GRID2: variants seen among roughly 807,000 people sequenced by gnomAD.
GRID2 encodes glutamate ionotropic receptor delta type subunit 2.
A neutral mutation model predicts 114.8 loss-of-function variants in GRID2; 33 were observed. The observed-to-expected ratio is 0.29, with a 90% CI of 0.22 to 0.38. GRID2 has a LOEUF of 0.38. GRID2 is among the 10% of genes least tolerant of loss of function. The pLI, the probability that GRID2 is intolerant of heterozygous loss-of-function variation, is 1.00. For synonymous variants in GRID2, 505 were observed against 449.9 expected, an observed-to-expected ratio of 1.12 and a Z score of -1.55; for missense variants, 1,184 against 1,257.7, an observed-to-expected ratio of 0.94 and a Z score of 0.89.
intron 1 of GRID2, among the ~76,000 whole-genome samples, chr4:92,514,587 G>A (rs1277293661): frequency 6.6e-6 from 1 of 151,808 alleles, no homozygotes; most frequent in Non-Finnish European, 1.5e-5. Context: ...TGTCCTCACT[G>A]ACTTCACAAG....
At chr4:92,716,333 T>C (rs1287227625) in intron 2 of GRID2, among the ~76,000 whole-genome samples, 1 of 152,228 alleles carries the variant, frequency 6.6e-6, no homozygotes, top group African/African-American at 2.4e-5. Flanking sequence ...GAGGAAGTTT[T>C]GAGCTTTGAC....
intron 14 of GRID2, among the ~76,000 whole-genome samples, chr4:93,732,116 TC>T (rs1279795721): frequency 6.6e-6 from 1 of 152,062 alleles, no homozygotes; most frequent in Non-Finnish European, 1.5e-5. Context: ...CCCATCAGAA[TC>T]CCATTACAGT....
intron 4 of GRID2, among the ~76,000 whole-genome samples, chr4:93,128,330 G>C (rs1254967673): frequency 6.6e-6 from 1 of 152,040 alleles, no homozygotes; most frequent in Non-Finnish European, 1.5e-5. Context: ...ATTAATTTTA[G>C]TGTATGTGCT....
At chr4:92,431,576 CTTT>C (rs139358667) in intron 1 of GRID2, among the ~76,000 whole-genome samples, 79 of 114,158 alleles carry the variant, frequency 6.9e-4, no homozygotes, top group African/African-American at 2.1e-3. Context: ...TTTGACGTGT[CTTT>C]TTTTTTTTTT....
intron 14 of GRID2, among the ~76,000 whole-genome samples, chr4:93,747,738 G>T (rs190661813): frequency 9.5e-5 from 14 of 147,378 alleles, no homozygotes; most frequent in South Asian, 6.5e-4. Flanking sequence ...TGTCAATTTG[G>T]TTTTTTTTTT....
chr4:93,538,990 GAT>G (rs994191266), intron 13 of GRID2, among the ~76,000 whole-genome samples: 29 of 151,934 alleles, frequency 1.9e-4, no homozygotes, highest in African/African-American at 7.0e-4. Flanking sequence ...AGTAATGTAA[GAT>G]ATTAATATTA....
At chr4:93,679,657 C>G (rs184467737) in intron 14 of GRID2, among the ~76,000 whole-genome samples, 3 of 150,760 alleles carry the variant, frequency 2.0e-5, no homozygotes, top group Non-Finnish European at 3.0e-5. Flanking sequence ...TGGAAACTGA[C>G]AGCCTGCTCC....
intron 13 of GRID2, among the ~76,000 whole-genome samples, chr4:93,597,782 G>A (rs1006041430): frequency 1.3e-5 from 2 of 152,132 alleles, no homozygotes; most frequent in Non-Finnish European, 2.9e-5. Context: ...CTGCCTCAAC[G>A]AAAATCCTTG....
chr4:93,024,540 G>A (rs926023472), intron 2 of GRID2, among the ~76,000 whole-genome samples: 6 of 151,578 alleles, frequency 4.0e-5, no homozygotes, highest in Non-Finnish European at 8.9e-5. Context: ...AAAGCATGAA[G>A]ACTTTCAAAA....
chr4:92,564,015 T>G (rs1727222837), intron 1 of GRID2, among the ~76,000 whole-genome samples: 1 of 152,104 alleles, frequency 6.6e-6, no homozygotes, highest in Admixed American at 6.6e-5. Context: ...ATAACATTCT[T>G]TCATCTATCC....
intron 4 of GRID2, among the ~76,000 whole-genome samples, chr4:93,205,662 G>C (rs1179553434): frequency 6.6e-6 from 1 of 151,944 alleles, no homozygotes; most frequent in East Asian, 1.9e-4. Flanking sequence ...TAATCCTTTG[G>C]GTATATACCC....
rs769507756 is a variant in GRID2 at position 92,527,028 on chromosome 4, G to T, written c.89-63103G>T. Among the ~76,000 whole-genome samples the T allele has an allele frequency of 1.3e-4, 20 of 152,008 alleles. No individual in the cohort carries two copies. The Middle Eastern group carries it at 0.017, about 129-fold the overall frequency. On this transcript the variant is annotated intron_variant, in intron 1 of 15. Coordinates refer to ENST00000282020, the MANE Select transcript of GRID2 (RefSeq NM_001510.4). ...GCATTGTTTTGGTTTTGCTAGGTGA[G>T]TGTTTGTTAACATCAAGGGATGAGG... is the stretch of plus-strand genomic sequence containing the variant.
At chr4:92,508,137 T>C (rs1724066673) in intron 1 of GRID2, among the ~76,000 whole-genome samples, 1 of 152,030 alleles carries the variant, frequency 6.6e-6, no homozygotes, top group Non-Finnish European at 1.5e-5. Flanking sequence ...TTATATCTTA[T>C]TCTTTTTGTA....
At chr4:92,304,784 TTTCAGTTCTCAAATGTTTCCCC>T (rs774850918) in intron 1 of GRID2, 40 bp downstream of exon 1, 326 of 1,383,642 alleles carry the variant, frequency 2.4e-4, no homozygotes, top group Admixed American at 2.7e-4. Flanking sequence ...ACTTTTACCG[TTTCAGTTCTCAAATGTTTCCCC>T]TTCGCTTTCC....
chr4:93,654,385 G>A (rs1355769655), intron 14 of GRID2, among the ~76,000 whole-genome samples: 1 of 152,166 alleles, frequency 6.6e-6, no homozygotes, highest in Non-Finnish European at 1.5e-5. Flanking sequence ...TTCTGATGCT[G>A]TATTTAGTTC....
chr4:93,242,732 A>G (rs1221385384), intron 8 of GRID2, among the ~76,000 whole-genome samples: 1 of 151,928 alleles, frequency 6.6e-6, no homozygotes, highest in East Asian at 1.9e-4. Flanking sequence ...TGAATTCATT[A>G]TCCTAAGGCT....
At chr4:92,479,223 G>A (rs1443120606) in intron 1 of GRID2, among the ~76,000 whole-genome samples, 5 of 152,062 alleles carry the variant, frequency 3.3e-5, no homozygotes, top group Non-Finnish European at 7.4e-5. Flanking sequence ...TTTAGTTTGT[G>A]CACGCTATGG....
intron 2 of GRID2, among the ~76,000 whole-genome samples, chr4:92,887,461 T>C (rs1032351593): frequency 6.6e-6 from 1 of 152,232 alleles, no homozygotes; most frequent in Non-Finnish European, 1.5e-5. Flanking sequence ...CCAGTACTTA[T>C]GTGCAGAAAT....
At chr4:93,776,803 A>C (rs1390624458), downstream of GRID2, among the ~76,000 whole-genome samples, 1 of 152,174 alleles carries the variant, frequency 6.6e-6, no homozygotes. Context: ...GAAAATTACT[A>C]TCTAACCCTT....
Sources: gnomAD v4.1 joint callset for allele counts (sites outside exome capture counted in the v4.1 genomes callset) on GRCh38, gnomAD v4.1.1 for gene constraint, MANE v1.5 for transcripts, NCBI Gene and HGNC (gene_info 2026-07-23, HGNC 2026-07-21) for gene names.